The following HIVEP3 variants were observed in gnomAD, a reference collection of about 807,000 sequenced individuals.
The protein encoded by HIVEP3 is HIVEP zinc finger 3.
HIVEP3 carries 49 observed loss-of-function variants against 152.8 expected under a neutral mutation model. The ratio of observed to expected loss-of-function variants is 0.32; its 90% CI spans 0.26 to 0.41. The LOEUF (loss-of-function observed/expected upper bound fraction) is 0.41, where lower values mean the gene tolerates loss of function less well. Ranked by LOEUF, HIVEP3 falls within the 10% of genes least tolerant of loss-of-function variation. The probability of loss-of-function intolerance (pLI) is 1.00; values close to 1 mark genes in which losing one functional copy is unlikely to be tolerated. For synonymous variants in HIVEP3, 1,269 were observed against 1,289.0 expected (o/e 0.98, Z 0.33); for missense variants, 2,790 against 3,103.3 (o/e 0.90, Z 2.40).
chr1:41,876,933 G>A (rs539948910), intron 1 of HIVEP3, among the ~76,000 whole-genome samples: 10 of 152,260 alleles, frequency 6.6e-5, no homozygotes, highest in East Asian at 3.9e-4. Context: ...TTCTACAGAC[G>A]TGGGTTCAAA....
At chr1:41,561,026 G>A (rs1365552459) in intron 5 of HIVEP3, among the ~76,000 whole-genome samples, 1 of 152,190 alleles carries the variant, frequency 6.6e-6, no homozygotes, top group Non-Finnish European at 1.5e-5. Flanking sequence ...GAAGGAGCCT[G>A]CATAGCTCCC....
At chr1:41,754,033 T>C (rs1177870655) in intron 1 of HIVEP3, among the ~76,000 whole-genome samples, 1 of 152,070 alleles carries the variant, frequency 6.6e-6, no homozygotes, top group African/African-American at 2.4e-5. Context: ...TGTGGACAGC[T>C]GAGGAAGACA....
chr1:41,717,087 G>C (rs555479394), intron 1 of HIVEP3, among the ~76,000 whole-genome samples: 126 of 152,300 alleles, frequency 8.3e-4, no homozygotes, highest in Admixed American at 2.4e-3. Context: ...TGTGACCTTG[G>C]TTTCCCATGG....
At chr1:41,718,061 C>A (rs1302935303) in intron 1 of HIVEP3, among the ~76,000 whole-genome samples, 1 of 152,212 alleles carries the variant, frequency 6.6e-6, no homozygotes, top group African/African-American at 2.4e-5. Context: ...TCAGAATGAC[C>A]GGTATCTTAG....
intron 1 of HIVEP3, among the ~76,000 whole-genome samples, chr1:41,972,598 A>G (rs1359815923): frequency 6.6e-6 from 1 of 152,260 alleles, no homozygotes; most frequent in East Asian, 1.9e-4. Context: ...ATAAATGCAC[A>G]TAAGTTGACC....
At chr1:41,835,117 C>T (rs1643083626) in intron 1 of HIVEP3, among the ~76,000 whole-genome samples, 1 of 152,156 alleles carries the variant, frequency 6.6e-6, no homozygotes, top group South Asian at 2.1e-4. Flanking sequence ...ATGTAAGCTC[C>T]AAGGAAATGT....
At chr1:41,524,422 G>C (rs1453169762) in intron 6 of HIVEP3, among the ~76,000 whole-genome samples, 2 of 152,180 alleles carry the variant, frequency 1.3e-5, no homozygotes, top group Non-Finnish European at 2.9e-5. Flanking sequence ...GAGGGGAGAT[G>C]AGAGAAGATG....
chr1:42,012,138 T>C (rs1331277178), intron 1 of HIVEP3, among the ~76,000 whole-genome samples: 1 of 152,184 alleles, frequency 6.6e-6, no homozygotes, highest in Non-Finnish European at 1.5e-5. Flanking sequence ...TTAGGCCATG[T>C]TTAGCTAGTT....
In HIVEP3 at chr1:41,583,487, G is replaced by A. The variant is rs748811389; in HGVS notation, c.1311C>T (p.Thr437=). ...CGGTGGACAGGGGCAGGAGGGGCTG[G>A]GTGGAGGTGGCTGTCAGCATGGCGG... ...QRTAMLTATS[T]QPLLPLSTED... Residue 437 remains threonine, a synonymous_variant, in exon 4 of 9, where the codon ACC becomes ACT. Transcript: ENST00000372583. The surrounding 1 kb of genome is among the most constrained non-coding windows in gnomAD (Gnocchi z 6.9). 12 of 1,613,852 alleles carry A rather than the reference G, an allele frequency of 7.4e-6. No individual in the cohort carries two copies. Among genetic ancestry groups the A allele is most frequent in the East Asian group, 4.5e-5 (2 of 44,878 alleles).
At chr1:41,620,996 C>T (rs1293375629) in intron 3 of HIVEP3, among the ~76,000 whole-genome samples, 2 of 152,228 alleles carry the variant, frequency 1.3e-5, no homozygotes, top group Non-Finnish European at 1.5e-5. Flanking sequence ...GTCAGCCCCA[C>T]ACCTGCAAGT....
chr1:41,742,323 C>G (rs1647009210), intron 1 of HIVEP3, among the ~76,000 whole-genome samples: 1 of 152,226 alleles, frequency 6.6e-6, no homozygotes, highest in South Asian at 2.1e-4. Context: ...CCAGCATATG[C>G]CAGCCACAGC....
At chr1:41,721,806 C>A (rs954166870) in intron 1 of HIVEP3, among the ~76,000 whole-genome samples, 2 of 152,296 alleles carry the variant, frequency 1.3e-5, no homozygotes, top group Non-Finnish European at 2.9e-5. Flanking sequence ...CCCAGGCAGG[C>A]AGCTCCAGAA....
chr1:42,012,515 A>G (rs1006613467), intron 1 of HIVEP3, among the ~76,000 whole-genome samples: 4 of 152,086 alleles, frequency 2.6e-5, no homozygotes, highest in Non-Finnish European at 4.4e-5. Flanking sequence ...ACGTGGTGAA[A>G]CCTCATTTCT....
At chr1:41,588,341 G>A (rs1283841485) in intron 3 of HIVEP3, among the ~76,000 whole-genome samples, 1 of 152,166 alleles carries the variant, frequency 6.6e-6, no homozygotes, top group East Asian at 1.9e-4. Context: ...TCTTCCGATG[G>A]ATGGATGGGA....
intron 2 of HIVEP3, among the ~76,000 whole-genome samples, chr1:41,699,537 G>T (rs995032752): frequency 5.3e-5 from 8 of 152,248 alleles, no homozygotes; most frequent in Non-Finnish European, 8.8e-5. Flanking sequence ...CTGCCCAGGA[G>T]GGGGTGGCCT....
chr1:41,857,898 T>C (rs570748792), intron 1 of HIVEP3, among the ~76,000 whole-genome samples: 1 of 152,246 alleles, frequency 6.6e-6, no homozygotes, highest in South Asian at 2.1e-4. Flanking sequence ...ACCTGGATAT[T>C]TCACCACAGT....
At chr1:41,910,769 A>C (rs1445303030) in intron 1 of HIVEP3, among the ~76,000 whole-genome samples, 1 of 152,036 alleles carries the variant, frequency 6.6e-6, no homozygotes, top group African/African-American at 2.4e-5. Flanking sequence ...ATGCAGAGGA[A>C]GTATTTAATA....
chr1:41,972,954 C>G (rs1392541522), intron 1 of HIVEP3, among the ~76,000 whole-genome samples: 1 of 151,990 alleles, frequency 6.6e-6, no homozygotes, highest in African/African-American at 2.4e-5. Context: ...ATGCAAGTCT[C>G]CTAGAGCTCA....
At chr1:41,794,348 G>A (rs999634629) in intron 1 of HIVEP3, among the ~76,000 whole-genome samples, 3 of 152,134 alleles carry the variant, frequency 2.0e-5, no homozygotes, top group Admixed American at 1.3e-4. Flanking sequence ...CCCTTGACAC[G>A]TGGGAATTAT....
Sources: allele counts gnomAD v4.1 joint callset (sites outside exome capture counted in the v4.1 genomes callset), GRCh38; gene constraint gnomAD v4.1.1; non-coding constraint Gnocchi (gnomAD v3.1); transcripts MANE v1.5; gene names NCBI Gene and HGNC (gene_info 2026-07-23, HGNC 2026-07-21).